SLC25A40: variants seen among roughly 807,000 people sequenced by gnomAD.
SLC25A40 encodes solute carrier family 25 member 40.
A neutral mutation model predicts 46.5 loss-of-function variants in SLC25A40; 41 were observed. The ratio of observed to expected loss-of-function variants is 0.88; its 90% CI spans 0.69 to 1.14. SLC25A40 has a LOEUF of 1.14. Among genes scored for constraint, SLC25A40 ranks in the 50% most tolerant of loss-of-function variants. The probability of loss-of-function intolerance (pLI) is 0.00; values close to 1 mark genes in which losing one functional copy is unlikely to be tolerated. For missense variants in SLC25A40, 386 were observed against 393.6 expected (o/e 0.98, Z 0.16); for synonymous variants, 126 against 127.5 (o/e 0.99, Z 0.08).
intron 10 of SLC25A40, among the ~76,000 whole-genome samples, chr7:87,840,461 A>C (rs1417904362): frequency 5.9e-5 from 9 of 151,788 alleles, no homozygotes; most frequent in African/African-American, 2.2e-4. Flanking sequence ...ACAGATTCCC[A>C]TCTTTTCCCT....
Position 87,836,021 on chromosome 7 carries a change from A to G in SLC25A40, c.*228T>C, listed in dbSNP as rs761270470. On this transcript the variant is annotated 3_prime_UTR_variant, in exon 12 of 12. Transcript: ENST00000341119. Reference sequence around the variant, plus strand: ...TGCTAAGGAGTAATCTATTTTTACAAGAATGCTCAATGGTGGTGATTTCTA... The same window carrying G: ...TGCTAAGGAGTAATCTATTTTTACAGGAATGCTCAATGGTGGTGATTTCTA... The G allele has an allele frequency of 2.4e-4, 91 of 381,424 alleles. No individual in the cohort carries two copies. Among genetic ancestry groups the G allele is most frequent in the Non-Finnish European group, 3.6e-4 (78 of 216,560 alleles). The allele number at this position is 381,424 out of a possible 1,614,324, so 23.6% of individuals were successfully genotyped here. A position where few individuals can be genotyped will look rare whatever the true frequency, so the allele number is the denominator to read the frequency against.
At chr7:87,866,325 A>G (rs1584337865) in intron 1 of SLC25A40, among the ~76,000 whole-genome samples, 1 of 149,784 alleles carries the variant, frequency 6.7e-6, no homozygotes, top group East Asian at 2.0e-4. Flanking sequence ...TGGATGGCAG[A>G]TTTTTTTTTT....
chr7:87,861,038 C>T (rs923258606), intron 1 of SLC25A40, among the ~76,000 whole-genome samples: 2 of 152,080 alleles, frequency 1.3e-5, no homozygotes, highest in East Asian at 1.9e-4. Flanking sequence ...TAATCTGAAT[C>T]GAAACAATCT....
At position 87,848,837 on chromosome 7, in the gene SLC25A40, G is replaced by A. The variant is rs186245161; in HGVS notation, c.333-860C>T. On this transcript the variant is annotated intron_variant, in intron 6 of 11. Transcript: ENST00000341119. ...TAAATTGGAATGCCTAATGTTATAT[G>A]GTGGACTTTGCTGCTGAGAATTTAG... 2.0e-4 allele frequency among the ~76,000 whole-genome samples: 31 copies of A among 152,300 alleles called. 1 individual carries two copies. The highest frequency in any genetic ancestry group is 6.5e-4 in the Admixed American group (10 of 15,294).
intron 1 of SLC25A40, among the ~76,000 whole-genome samples, chr7:87,865,793 T>G (rs1162825505): frequency 6.6e-6 from 1 of 151,412 alleles, no homozygotes; most frequent in Non-Finnish European, 1.5e-5. Context: ...AAAAGAATAT[T>G]CTTGGGGACT....
chr7:87,842,490 T>A (rs1375161223), intron 9 of SLC25A40, among the ~76,000 whole-genome samples: 1 of 152,096 alleles, frequency 6.6e-6, no homozygotes, highest in African/African-American at 2.4e-5. Flanking sequence ...AAAATGTCCC[T>A]CAAAATCACT....
intron 11 of SLC25A40, 67 bp downstream of exon 11, chr7:87,836,663 A>C: frequency 9.4e-7 from 1 of 1,059,374 alleles, no homozygotes; most frequent in Non-Finnish European, 1.3e-6. Flanking sequence ...CTATAAGTTA[A>C]TTTTAGAAGG....
In SLC25A40 at chr7:87,836,374, T is replaced by A. The variant is rs201654319; in HGVS notation, c.905-13A>T. 1.6e-4 allele frequency: 232 copies of A among 1,445,200 alleles called. No individual in the cohort carries two copies. The highest frequency in any genetic ancestry group is 2.1e-4 in the Non-Finnish European group (227 of 1,081,908). 89.5% of individuals were successfully genotyped at this position (1,445,200 alleles called of 1,614,324 possible). A position where few individuals can be genotyped will look rare whatever the true frequency, so the allele number is the denominator to read the frequency against. On this transcript the variant is annotated splice_polypyrimidine_tract_variant and intron_variant, in intron 11 of 11. Transcript: ENST00000341119. ...CGAGGAATTAGGCCTGAGAAAAGAATAGGAATAATCAAAACAAATATTTTT... is the reference window on the plus strand; with the variant it reads ...CGAGGAATTAGGCCTGAGAAAAGAAAAGGAATAATCAAAACAAATATTTTT...
intron 1 of SLC25A40, among the ~76,000 whole-genome samples, chr7:87,868,429 A>G (rs1460848572): frequency 1.3e-5 from 2 of 151,794 alleles, no homozygotes; most frequent in African/African-American, 4.8e-5. Flanking sequence ...GACACTACCT[A>G]CCTGGAAATA....
At chr7:87,856,069 C>A (rs1838609115) in intron 4 of SLC25A40, among the ~76,000 whole-genome samples, 1 of 152,022 alleles carries the variant, frequency 6.6e-6, no homozygotes, top group African/African-American at 2.4e-5. Context: ...AAATACATAA[C>A]CATCCTTTGC....
rs1398308145 is a variant in SLC25A40 at position 87,841,692 on chromosome 7, G to A, written c.764C>T (p.Pro255Leu). Reference sequence around the variant, plus strand: ...CTTTTGTGTTTTTACTACATCAAATGGTAAAGTTGCAACAGCAGCAAACTA... The same window carrying A: ...CTTTTGTGTTTTTACTACATCAAATAGTAAAGTTGCAACAGCAGCAAACTA... ...SGSFAAVATL[P>L]FDVVKTQKQT... is the part of the protein sequence containing the mutation. The change falls in exon 10 of 12, where the codon CCA (proline) becomes CTA (leucine). Residue 255 changes from proline to leucine, a missense_variant. Coordinates refer to ENST00000341119, the MANE Select transcript of SLC25A40 (RefSeq NM_018843.4). 6.6e-7 allele frequency: 1 copy of A among 1,523,776 alleles called. No homozygotes were observed. Among genetic ancestry groups the A allele is most frequent in the Non-Finnish European group, 8.8e-7 (1 of 1,133,672 alleles). The allele number at this position is 1,523,776 out of a possible 1,614,324, so 94.4% of individuals were successfully genotyped here. A position where few individuals can be genotyped will look rare whatever the true frequency, so the allele number is the denominator to read the frequency against.
Position 87,847,905 on chromosome 7 carries a change from C to T in SLC25A40, c.405G>A (p.Lys135=), listed in dbSNP as rs143721575. ...YDQLSALLRS[K]LGENETCIPI... ...GTATGCAGGTTTCATTTTCTCCTAA[C>T]TTAGATCTCAGAAGAGCACTTAATT... Residue 135 remains lysine (K), a synonymous_variant, in exon 7 of 12, where the codon AAG becomes AAA. Coordinates refer to ENST00000341119, the MANE Select transcript of SLC25A40 (RefSeq NM_018843.4). The T allele has an allele frequency of 5.6e-4, 899 of 1,611,952 alleles. 1 individual carries two copies. Among genetic ancestry groups the T allele is most frequent in the Middle Eastern group, 1.0e-3 (6 of 6,030 alleles).
chr7:87,859,521 GTA>G (rs1451379387), intron 2 of SLC25A40, among the ~76,000 whole-genome samples: 1 of 152,016 alleles, frequency 6.6e-6, no homozygotes, highest in Non-Finnish European at 1.5e-5. Flanking sequence ...ACATACATAT[GTA>G]TATGTCTATA....
intron 5 of SLC25A40, among the ~76,000 whole-genome samples, chr7:87,852,450 T>A (rs1039040130): frequency 1.3e-5 from 2 of 151,994 alleles, no homozygotes; most frequent in Non-Finnish European, 2.9e-5. Flanking sequence ...ATGCCTATAG[T>A]CCCAGCTATT....
rs1838483733 is a variant in SLC25A40, at chr7:87,849,950, T to C, written c.265-2A>G. On this transcript the variant is annotated splice_acceptor_variant, in intron 5 of 11. Coordinates refer to ENST00000341119, the MANE Select transcript of SLC25A40 (RefSeq NM_018843.4). LOFTEE classifies it high-confidence loss of function. ...TCGAATGATTTTAAAAAATGCATCCTAAAGTTATAATAGAAAAAAAGTAAT... is the reference window on the plus strand; with the variant it reads ...TCGAATGATTTTAAAAAATGCATCCCAAAGTTATAATAGAAAAAAAGTAAT... The C allele has an allele frequency of 1.9e-6, 3 of 1,582,872 alleles. No homozygotes were observed. Among genetic ancestry groups the C allele is most frequent in the Non-Finnish European group, 2.6e-6 (3 of 1,161,330 alleles).
intron 4 of SLC25A40, among the ~76,000 whole-genome samples, chr7:87,855,073 G>T (rs1451781375): frequency 6.7e-6 from 1 of 148,344 alleles, no homozygotes; most frequent in Non-Finnish European, 1.5e-5. Flanking sequence ...GAAGTGGGAA[G>T]ATCACCTGAG....
Position 87,853,767 on chromosome 7 carries a change from A to T in SLC25A40, c.264+437T>A, listed in dbSNP as rs142794502. On this transcript the variant is annotated intron_variant, in intron 5 of 11. Transcript: ENST00000341119. The stretch of plus-strand genomic sequence containing the variant: ...AATGAAGAACAAATTAGTAGTTGCC[A>T]GGGCTTAAGGAGTTGGTGAGAACAC... Among the ~76,000 whole-genome samples, 574 of 152,314 alleles carry T rather than the reference A, an allele frequency of 3.8e-3. 6 individuals are homozygous for T. Among genetic ancestry groups the T allele is most frequent in the African/African-American group, 0.013 (547 of 41,592 alleles).
chr7:87,871,955 A>C (rs1838901973), intron 1 of SLC25A40, among the ~76,000 whole-genome samples: 1 of 152,214 alleles, frequency 6.6e-6, no homozygotes, highest in Non-Finnish European at 1.5e-5. Flanking sequence ...TTATCAGCAT[A>C]AGGTTGTTCA....
intron 9 of SLC25A40, 51 bp from the exon 10 acceptor site, chr7:87,841,765 A>G (rs1179376723): frequency 7.8e-6 from 9 of 1,153,790 alleles, no homozygotes; most frequent in South Asian, 1.9e-5. Context: ...AATTTTTCCT[A>G]AAATATTTTT....
Sources: allele counts gnomAD v4.1 joint callset (sites outside exome capture counted in the v4.1 genomes callset), GRCh38; gene constraint gnomAD v4.1.1; transcripts MANE v1.5; gene names NCBI Gene and HGNC (gene_info 2026-07-23, HGNC 2026-07-21).